IQCM: variants seen among roughly 807,000 people sequenced by gnomAD.
The protein encoded by IQCM is IQ motif containing M.
A neutral mutation model predicts 57.6 loss-of-function variants in IQCM; 45 were observed. That is an observed-to-expected ratio of 0.78 (90% CI 0.62 to 1.00). IQCM has a LOEUF of 1.00. Ranked by LOEUF, IQCM falls within the 50% of genes least tolerant of loss-of-function variation. The probability of loss-of-function intolerance (pLI) is 0.00; values close to 1 mark genes in which losing one functional copy is unlikely to be tolerated. For missense variants in IQCM, 468 were observed against 511.6 expected (o/e 0.91, Z 0.82); for synonymous variants, 148 against 158.9 (o/e 0.93, Z 0.51).
chr4:149,604,202 C>G (rs537340069), intron 8 of IQCM, among the ~76,000 whole-genome samples: 1 of 152,048 alleles, frequency 6.6e-6, no homozygotes, highest in African/African-American at 2.4e-5. Flanking sequence ...AGTGTAATTA[C>G]TGGTTTGATT....
intron 9 of IQCM, among the ~76,000 whole-genome samples, chr4:149,570,079 A>G (rs939361619): frequency 6.6e-6 from 1 of 152,002 alleles, no homozygotes. Context: ...ATAATAAGTT[A>G]ATAAATCATT....
chr4:149,713,067 T>C (rs773857002), intron 5 of IQCM, among the ~76,000 whole-genome samples: 27 of 151,496 alleles, frequency 1.8e-4, no homozygotes, highest in Non-Finnish European at 3.6e-4. Flanking sequence ...GATTTTCTAC[T>C]GAAGTCCTAC....
chr4:149,352,564 C>A (rs540673376), intron 13 of IQCM, among the ~76,000 whole-genome samples: 17 of 152,204 alleles, frequency 1.1e-4, no homozygotes, highest in East Asian at 7.7e-4. Context: ...GCAAATACTA[C>A]CCCATTTTAT....
chr4:149,758,708 C>G (rs1029880425), intron 2 of IQCM, among the ~76,000 whole-genome samples: 1 of 149,218 alleles, frequency 6.7e-6, no homozygotes, highest in Non-Finnish European at 1.5e-5. Flanking sequence ...TGAAAAGATG[C>G]TTTACATTAT....
intron 13 of IQCM, among the ~76,000 whole-genome samples, chr4:149,358,180 T>G (rs1729149327): frequency 6.6e-6 from 1 of 152,216 alleles, no homozygotes; most frequent in South Asian, 2.1e-4. Context: ...ATTTTGTTGA[T>G]CTTTTCAAAA....
At chr4:149,537,899 T>C (rs2149869513) in intron 12 of IQCM, among the ~76,000 whole-genome samples, 1 of 151,830 alleles carries the variant, frequency 6.6e-6, no homozygotes, top group Admixed American at 6.6e-5. Flanking sequence ...GATAAAGACA[T>C]TTCCAGACAT....
chr4:149,667,181 C>G (rs773180742), intron 7 of IQCM, among the ~76,000 whole-genome samples: 15 of 152,146 alleles, frequency 9.9e-5, no homozygotes, highest in Non-Finnish European at 2.1e-4. Context: ...CAGGAGAGCT[C>G]TGACTGGCAT....
At chr4:149,371,800 A>C (rs1730386737) in intron 13 of IQCM, among the ~76,000 whole-genome samples, 1 of 152,128 alleles carries the variant, frequency 6.6e-6, no homozygotes, top group African/African-American at 2.4e-5. Flanking sequence ...GAAGAGATAA[A>C]ACATTGCTTA....
intron 13 of IQCM, among the ~76,000 whole-genome samples, chr4:149,377,358 G>T (rs2111012868): frequency 6.6e-6 from 1 of 152,236 alleles, no homozygotes; most frequent in South Asian, 2.1e-4. Flanking sequence ...GCCCTGAAAG[G>T]TCTGGCTGCT....
chr4:149,678,410 G>C (rs1296525585), intron 7 of IQCM, among the ~76,000 whole-genome samples: 1 of 151,826 alleles, frequency 6.6e-6, no homozygotes, highest in South Asian at 2.1e-4. Context: ...TCTATTGCCA[G>C]CTAAGAATAC....
intron 7 of IQCM, among the ~76,000 whole-genome samples, chr4:149,650,306 G>A (rs540151802): frequency 6.6e-5 from 10 of 152,076 alleles, no homozygotes; most frequent in East Asian, 3.9e-4. Context: ...GTAACATCAC[G>A]GGCTACCAGA....
rs148038233 is a variant in IQCM, at chr4:149,789,404, C to G, written c.-49+25907G>C. On this transcript the variant is annotated intron_variant, in intron 2 of 13. Transcript: ENST00000636793. ...CTGCCATTTGTACCCCCAATTCCTT[C>G]CAGTATCAATTTAATAAAGTATAGT... is the stretch of plus-strand genomic sequence containing the variant. Among the ~76,000 whole-genome samples the G allele has an allele frequency of 1.3e-3, 205 of 152,294 alleles. 1 individual carries two copies. The highest frequency in any genetic ancestry group is 3.6e-3 in the African/African-American group (148 of 41,564).
At chr4:149,417,868 C>T (rs1733857015) in intron 13 of IQCM, among the ~76,000 whole-genome samples, 1 of 147,264 alleles carries the variant, frequency 6.8e-6, no homozygotes, top group South Asian at 2.1e-4. Flanking sequence ...AAAATAGCCA[C>T]TTGAAGATTG....
intron 5 of IQCM, among the ~76,000 whole-genome samples, chr4:149,692,248 A>C (rs534182528): frequency 6.6e-6 from 1 of 152,264 alleles, no homozygotes; most frequent in South Asian, 2.1e-4. Context: ...TGTAGGGGGA[A>C]AATAAGTCTT....
intron 12 of IQCM, among the ~76,000 whole-genome samples, chr4:149,531,502 C>A (rs1412261422): frequency 6.6e-6 from 1 of 152,100 alleles, no homozygotes; most frequent in Non-Finnish European, 1.5e-5. Context: ...ACTTCCTTCT[C>A]TTTCTCCTTC....
chr4:149,562,180 G>C (rs1375569570), intron 10 of IQCM, among the ~76,000 whole-genome samples: 2 of 152,136 alleles, frequency 1.3e-5, no homozygotes, highest in East Asian at 3.9e-4. Flanking sequence ...GTAAGAAATG[G>C]AATAAGGTAA....
intron 2 of IQCM, among the ~76,000 whole-genome samples, chr4:149,795,695 T>C (rs1773051025): frequency 6.6e-6 from 1 of 152,042 alleles, no homozygotes; most frequent in Admixed American, 6.5e-5. Flanking sequence ...AGAGAGGGAA[T>C]AGTGAGGAGA....
intron 2 of IQCM, among the ~76,000 whole-genome samples, chr4:149,786,159 GGTCA>G (rs1359999667): frequency 1.3e-5 from 2 of 152,008 alleles, no homozygotes; most frequent in Non-Finnish European, 2.9e-5. Flanking sequence ...CACAATGAAG[GGTCA>G]GTGATTCCTG....
At chr4:149,581,805 T>C (rs545198426) in intron 9 of IQCM, among the ~76,000 whole-genome samples, 4 of 151,676 alleles carry the variant, frequency 2.6e-5, no homozygotes, top group Admixed American at 2.0e-4. Flanking sequence ...TGGCACCTCC[T>C]ATTCTTTGGA....
Sources: allele counts gnomAD v4.1 joint callset (sites outside exome capture counted in the v4.1 genomes callset), GRCh38; gene constraint gnomAD v4.1.1; transcripts MANE v1.5; gene names NCBI Gene and HGNC (gene_info 2026-07-23, HGNC 2026-07-21).